Variants in PKIB observed in about 807,000 individuals in gnomAD.
PKIB encodes the protein cAMP-dependent protein kinase inhibitor beta.
A neutral mutation model predicts 4.5 loss-of-function variants in PKIB; 2 were observed. That is an observed-to-expected ratio of 0.44 (90% confidence interval 0.18 to 1.39). The LOEUF is 1.39. PKIB is among the 40% of genes most tolerant of loss of function. The probability of loss-of-function intolerance (pLI) is 0.27; values close to 1 mark genes in which losing one functional copy is unlikely to be tolerated. For synonymous variants in PKIB, 38 were observed against 36.0 expected, an observed-to-expected ratio of 1.06 and a Z score of -0.20; for missense variants, 94 against 92.6, an observed-to-expected ratio of 1.02 and a Z score of -0.06.
intron 2 of PKIB, among the ~76,000 whole-genome samples, chr6:122,559,643 A>T (rs1772959796): frequency 6.6e-6 from 1 of 151,908 alleles, no homozygotes; most frequent in Non-Finnish European, 1.5e-5. Context: ...TACTATGGTC[A>T]TTTTCACAAT....
intron 3 of PKIB, among the ~76,000 whole-genome samples, chr6:122,715,441 T>C (rs1779446490): frequency 6.6e-6 from 1 of 151,688 alleles, no homozygotes; most frequent in Non-Finnish European, 1.5e-5. Flanking sequence ...GGCCAGAAAA[T>C]GGGGTCTACT....
chr6:122,605,195 C>T (rs1481567686), intron 3 of PKIB, among the ~76,000 whole-genome samples: 7 of 152,172 alleles, frequency 4.6e-5, no homozygotes, highest in African/African-American at 1.2e-4. Context: ...TTCCAAACCT[C>T]GGCTTAGTTA....
intron 2 of PKIB, among the ~76,000 whole-genome samples, chr6:122,506,943 C>T (rs892828472): frequency 1.3e-4 from 20 of 151,710 alleles, no homozygotes; most frequent in Admixed American, 3.3e-4. Context: ...CCTCGTGATC[C>T]GCCCGCCTCG....
rs535646782 is a variant in PKIB at position 122,559,113 on chromosome 6, A to T, written c.-247-26808A>T. Among the ~76,000 whole-genome samples, 53 of 152,042 alleles carry T rather than the reference A, an allele frequency of 3.5e-4. No individual in the cohort carries two copies. In the South Asian group the frequency reaches 7.1e-3, roughly 20 times the overall value. On this transcript the variant is annotated intron_variant, in intron 2 of 6. Transcript: ENST00000392491. Reference sequence around the variant, plus strand: ...TTTTATGGCTGCATAGTATTCCATCATATATATATGACAAAGGACTGATAT... The same window carrying T: ...TTTTATGGCTGCATAGTATTCCATCTTATATATATGACAAAGGACTGATAT...
At chr6:122,599,848 GC>G (rs1250983215) in intron 3 of PKIB, among the ~76,000 whole-genome samples, 5 of 152,014 alleles carry the variant, frequency 3.3e-5, no homozygotes, top group Non-Finnish European at 7.4e-5. Context: ...ATATTAAGCA[GC>G]CAACTCCAGA....
At chr6:122,547,876 C>T (rs1253386185) in intron 2 of PKIB, among the ~76,000 whole-genome samples, 1 of 118,866 alleles carries the variant, frequency 8.4e-6, no homozygotes, top group African/African-American at 3.1e-5. Context: ...TGGAGTTATG[C>T]GTCTGTGCTC....
intron 2 of PKIB, among the ~76,000 whole-genome samples, chr6:122,570,815 A>G (rs1014370784): frequency 5.3e-5 from 8 of 152,194 alleles, no homozygotes; most frequent in African/African-American, 1.9e-4. Flanking sequence ...AAGGAACCAG[A>G]AAAGTAATTC....
intron 2 of PKIB, among the ~76,000 whole-genome samples, chr6:122,547,595 C>G (rs1293699021): frequency 6.6e-6 from 1 of 151,154 alleles, no homozygotes; most frequent in African/African-American, 2.5e-5. Flanking sequence ...ACCTCAGCCT[C>G]TCAAAGTGCT....
intron 2 of PKIB, among the ~76,000 whole-genome samples, chr6:122,555,260 A>G (rs1772804756): frequency 6.6e-6 from 1 of 152,212 alleles, no homozygotes; most frequent in Non-Finnish European, 1.5e-5. Context: ...GAGCAAAGTC[A>G]TTTTCAGCAG....
At chr6:122,527,358 G>T (rs983427558) in intron 2 of PKIB, among the ~76,000 whole-genome samples, 6 of 152,076 alleles carry the variant, frequency 3.9e-5, no homozygotes, top group Non-Finnish European at 8.8e-5. Context: ...GGTACAAGAG[G>T]ACCAGCTTTT....
chr6:122,638,288 T>C (rs1775999779), intron 2 of PKIB, among the ~76,000 whole-genome samples: 1 of 152,236 alleles, frequency 6.6e-6, no homozygotes, highest in African/African-American at 2.4e-5. Context: ...TGTACCAGCC[T>C]GTACTATAAC....
chr6:122,651,366 A>T (rs1306967758), intron 2 of PKIB, among the ~76,000 whole-genome samples: 1 of 152,166 alleles, frequency 6.6e-6, no homozygotes, highest in Non-Finnish European at 1.5e-5. Flanking sequence ...GCCTGCTGGT[A>T]CTTGAGTCTT....
At chr6:122,519,498 C>T (rs191532505) in intron 2 of PKIB, among the ~76,000 whole-genome samples, 1 of 152,256 alleles carries the variant, frequency 6.6e-6, no homozygotes, top group East Asian at 1.9e-4. Flanking sequence ...TGAAACTTGT[C>T]CCTGGTGTCA....
At chr6:122,601,145 T>C (rs1774353513) in intron 3 of PKIB, among the ~76,000 whole-genome samples, 1 of 150,314 alleles carries the variant, frequency 6.7e-6, no homozygotes, top group Non-Finnish European at 1.5e-5. Context: ...CCCCAAATAA[T>C]GAACAGGACA....
intron 2 of PKIB, among the ~76,000 whole-genome samples, chr6:122,565,520 C>A (rs1773162056): frequency 6.6e-6 from 1 of 152,128 alleles, no homozygotes; most frequent in Non-Finnish European, 1.5e-5. Context: ...CTAAGATATT[C>A]CAGTATCCTG....
upstream of PKIB, among the ~76,000 whole-genome samples, chr6:122,609,509 T>C (rs1323274382): frequency 6.6e-6 from 1 of 152,236 alleles, no homozygotes; most frequent in African/African-American, 2.4e-5. Context: ...AAAAAGGGAA[T>C]TTGGAAGTGG....
chr6:122,689,119 C>T (rs1238754565), intron 3 of PKIB, among the ~76,000 whole-genome samples: 2 of 152,040 alleles, frequency 1.3e-5, no homozygotes, highest in Non-Finnish European at 2.9e-5. Context: ...GTAACATCTC[C>T]TTTTTCATCT....
rs563962162 is a variant in PKIB, at chr6:122,649,962, A to G, written c.-76+16595A>G. Among the ~76,000 whole-genome samples, 7 of 152,304 alleles carry G rather than the reference A, an allele frequency of 4.6e-5. No individual in the cohort carries two copies. In the South Asian group the frequency reaches 1.0e-3, roughly 23 times the overall value. On this transcript the variant is annotated intron_variant, in intron 2 of 4. Coordinates refer to ENST00000368452, the MANE Select transcript of PKIB (RefSeq NM_181795.3). ...TGTTCCAAATGACAAAGAAGCTTAC[A>G]TGGCAGCTTGGACTTGTTATAGAGC...
At chr6:122,627,169 G>C (rs1394500363) in intron 1 of PKIB, among the ~76,000 whole-genome samples, 3 of 151,632 alleles carry the variant, frequency 2.0e-5, no homozygotes, top group East Asian at 1.9e-4. Context: ...CGTAAACCCG[G>C]GAGGCGGAGC....
Sources: gnomAD v4.1 joint callset for allele counts (sites outside exome capture counted in the v4.1 genomes callset) on GRCh38, gnomAD v4.1.1 for gene constraint, MANE v1.5 for transcripts, NCBI Gene and HGNC (gene_info 2026-07-23, HGNC 2026-07-21) for gene names.